TVP23A: variants seen among roughly 807,000 people sequenced by gnomAD.
TVP23A encodes Golgi apparatus membrane protein TVP23 homolog A.
Under a neutral mutation model 31.7 loss-of-function variants are expected in TVP23A, and 21 were observed. The ratio of observed to expected loss-of-function variants is 0.66; its 90% CI spans 0.47 to 0.95. The LOEUF (loss-of-function observed/expected upper bound fraction) is 0.95. Among genes scored for constraint, TVP23A ranks in the 40% least tolerant of loss-of-function variants. TVP23A has a pLI of 0.00. For synonymous variants in TVP23A, 104 were observed against 96.0 expected (o/e 1.08, Z -0.49); for missense variants, 279 against 255.6 (o/e 1.09, Z -0.62).
At chr16:10,761,766 C>G (rs1233811951), downstream of TVP23A, 1 of 1,613,614 alleles carries the variant, frequency 6.2e-7, no homozygotes. Context: ...GAAAGAATCT[C>G]AGATATTCCC....
chr16:10,794,819 C>T (rs924344037), intron 2 of TVP23A, among the ~76,000 whole-genome samples: 7 of 152,240 alleles, frequency 4.6e-5, no homozygotes, highest in African/African-American at 1.4e-4. Flanking sequence ...GGGCTAGCAG[C>T]TGCTCTGAGT....
intron 2 of TVP23A, among the ~76,000 whole-genome samples, chr16:10,810,007 T>C (rs2143002560): frequency 6.6e-6 from 1 of 152,282 alleles, no homozygotes; most frequent in Middle Eastern, 3.4e-3. Context: ...TATGAATGGA[T>C]AAACAGAATG....
chr16:10,804,396 A>G (rs1259478950), intron 2 of TVP23A, among the ~76,000 whole-genome samples: 1 of 152,174 alleles, frequency 6.6e-6, no homozygotes, highest in Non-Finnish European at 1.5e-5. Flanking sequence ...GCCGAAGCTC[A>G]CCCACAGGCA....
chr16:10,773,758 A>T (rs1358784613), intron 4 of TVP23A, among the ~76,000 whole-genome samples: 3 of 151,938 alleles, frequency 2.0e-5, no homozygotes, highest in Non-Finnish European at 2.9e-5. Context: ...TTTAGTAGAG[A>T]CAGGGTTTCA....
chr16:10,773,695 C>T (rs772992468), intron 4 of TVP23A, among the ~76,000 whole-genome samples: 35 of 152,080 alleles, frequency 2.3e-4, no homozygotes, highest in African/African-American at 3.4e-4. Context: ...CTCAGCCTCC[C>T]GAGTAGCTGG....
At position 10,767,719 on chromosome 16, in the gene TVP23A, C is replaced by G. The variant is rs1190384228; in HGVS notation, c.*1383G>C. On this transcript the variant is annotated 3_prime_UTR_variant, in exon 8 of 8. Coordinates refer to ENST00000299866, the MANE Select transcript of TVP23A (RefSeq NM_001079512.4). This position sits in a 1 kb window ranked among gnomAD's most constrained non-coding sequence, Gnocchi z 4.6. Reference sequence around the variant, plus strand: ...GTTCTCTGTAGGGCCCTGGAACCTGCATTTTCTGTACACCACCTGATTATT... The same window carrying G: ...GTTCTCTGTAGGGCCCTGGAACCTGGATTTTCTGTACACCACCTGATTATT... 1.1e-5 allele frequency: 6 copies of G among 569,248 alleles called. No homozygotes were observed. The African/African-American group carries it at 1.1e-4, about 11-fold the overall frequency. The allele number at this position is 569,248 out of a possible 1,614,324, so 35.3% of individuals were successfully genotyped here.
intron 5 of TVP23A, 105 bp from the exon 6 acceptor site, chr16:10,771,903 C>T: frequency 7.0e-7 from 1 of 1,437,150 alleles, no homozygotes; most frequent in Non-Finnish European, 9.3e-7. Flanking sequence ...ACTGCAAGTT[C>T]CGCCTCCCGG....
chr16:10,790,669 G>C (rs992223863), intron 2 of TVP23A, among the ~76,000 whole-genome samples: 6 of 152,118 alleles, frequency 3.9e-5, no homozygotes, highest in African/African-American at 1.4e-4. Context: ...ACGATATATA[G>C]GGTTAAATAA....
rs183313715 is a variant in TVP23A at position 10,797,145 on chromosome 16, T to C, written c.89+20958A>G. Among the ~76,000 whole-genome samples the C allele has an allele frequency of 3.3e-3, 497 of 150,950 alleles. 1 individual carries two copies. The highest frequency in any genetic ancestry group is 0.011 in the African/African-American group (463 of 40,964). ...TCGAGGCTATAATGAGCCCTGATCA[T>C]GCCACTGTACTCCAGACTGGGTGAC... On this transcript the variant is annotated intron_variant, in intron 2 of 7. Transcript: ENST00000299866.
intron 2 of TVP23A, among the ~76,000 whole-genome samples, chr16:10,806,748 C>T (rs748380843): frequency 6.6e-6 from 1 of 152,180 alleles, no homozygotes; most frequent in Admixed American, 6.5e-5. Flanking sequence ...GCAACCCACC[C>T]GCCTCAGCCT....
chr16:10,762,116 G>A, downstream of TVP23A: 1 of 359,810 alleles, frequency 2.8e-6, no homozygotes, highest in Non-Finnish European at 5.1e-6. Context: ...AGAGGTTGGT[G>A]AGGGTGGTGG....
chr16:10,794,848 T>G (rs1596542474), intron 2 of TVP23A, among the ~76,000 whole-genome samples: 1 of 150,772 alleles, frequency 6.6e-6, no homozygotes, highest in African/African-American at 2.4e-5. Flanking sequence ...CAACAGGAGG[T>G]CCTAGGTCCC....
chr16:10,761,800 T>C (rs764479190), downstream of TVP23A: 4 of 1,613,968 alleles, frequency 2.5e-6, no homozygotes, highest in Non-Finnish European at 3.4e-6. Flanking sequence ...GGCGCGGAGC[T>C]CATGTGCCAG....
intron 7 of TVP23A, among the ~76,000 whole-genome samples, chr16:10,770,022 A>T (rs2031445416): frequency 6.6e-6 from 1 of 152,038 alleles, no homozygotes. Flanking sequence ...ACATATGATC[A>T]GATTTGCACA....
Position 10,773,343 on chromosome 16 carries a change from G to A in TVP23A, c.423C>T (p.Ser141=). ...CPMIWIVFFF[S]TLFSLKLKWL... ...ACTTTAGCTTCAAGGAAAATAAGGT[G>A]CTAAAAAAAAACACAATCCATATCA... The change falls in exon 5 of 8, where the codon AGC becomes AGT. Residue 141 remains serine (S), a synonymous_variant. Coordinates refer to ENST00000299866, the MANE Select transcript of TVP23A (RefSeq NM_001079512.4). The A allele has an allele frequency of 1.2e-6, 2 of 1,609,174 alleles. No individual in the cohort carries two copies. The highest frequency in any genetic ancestry group is 1.3e-5 in the African/African-American group (1 of 74,806).
At chr16:10,800,873 CT>C (rs1356747997) in intron 2 of TVP23A, among the ~76,000 whole-genome samples, 2 of 152,096 alleles carry the variant, frequency 1.3e-5, no homozygotes, top group African/African-American at 4.8e-5. Context: ...CACCTGTGGT[CT>C]CAGCTATTTG....
At chr16:10,794,065 T>C (rs2033256256) in intron 2 of TVP23A, among the ~76,000 whole-genome samples, 2 of 152,062 alleles carry the variant, frequency 1.3e-5, no homozygotes, top group South Asian at 4.1e-4. Flanking sequence ...GGAGGAACAC[T>C]GTCTTCACAT....
chr16:10,810,952 C>G (rs757132485), intron 2 of TVP23A, among the ~76,000 whole-genome samples: 1 of 152,204 alleles, frequency 6.6e-6, no homozygotes, highest in Non-Finnish European at 1.5e-5. Flanking sequence ...TAATAAATCT[C>G]TTTCTCCATA....
chr16:10,793,166 G>A (rs1399436363), intron 2 of TVP23A, among the ~76,000 whole-genome samples: 1 of 152,128 alleles, frequency 6.6e-6, no homozygotes, highest in East Asian at 1.9e-4. Context: ...GCACGCACCT[G>A]TAATCCTATC....
Sources: allele counts gnomAD v4.1 joint callset (sites outside exome capture counted in the v4.1 genomes callset), GRCh38; gene constraint gnomAD v4.1.1; non-coding constraint Gnocchi (gnomAD v3.1); transcripts MANE v1.5; gene names NCBI Gene and HGNC (gene_info 2026-07-23, HGNC 2026-07-21).